Variants in TFEB observed in about 807,000 individuals in gnomAD.
TFEB encodes the protein T-cell transcription factor EB.
In TFEB, 12 loss-of-function variants were observed where a neutral mutation model predicts 48.0. The observed-to-expected ratio is 0.25, with a 90% CI of 0.16 to 0.40. TFEB has a LOEUF of 0.40. Ranked by LOEUF, TFEB falls within the 10% of genes least tolerant of loss-of-function variation. The pLI is 1.00. For missense variants in TFEB, 509 were observed against 640.3 expected (o/e 0.79, Z 2.21); for synonymous variants, 244 against 261.4 (o/e 0.93, Z 0.64).
At position 41,705,165 on chromosome 6, in the gene TFEB, G is replaced by A. The variant is rs545269853; in HGVS notation, c.-22-13930C>T. The stretch of plus-strand genomic sequence containing the variant: ...GAGCAGACAACCTTTGGGACAGTGT[G>A]TGCCTGGGCCTGTGTGCTCCGCAGG... On this transcript the variant is annotated intron_variant, in intron 1 of 8. Transcript: ENST00000373033. Among the ~76,000 whole-genome samples the A allele has an allele frequency of 3.6e-4, 55 of 152,332 alleles. No individual in the cohort carries two copies. In the South Asian group the frequency reaches 8.1e-3, roughly 22 times the overall value.
chr6:41,694,152 G>T (rs541057254), intron 1 of TFEB, among the ~76,000 whole-genome samples: 1 of 152,186 alleles, frequency 6.6e-6, no homozygotes, highest in Non-Finnish European at 1.5e-5. Context: ...CTGGCCTCGC[G>T]TGGACTGGAG....
chr6:41,686,985 A>G, intron 7 of TFEB, 109 bp downstream of exon 7: 1 of 907,874 alleles, frequency 1.1e-6, no homozygotes, highest in Non-Finnish European at 1.8e-6. Flanking sequence ...GAACTTCTAG[A>G]AGGAATTCTC....
At position 41,724,014 on chromosome 6, in the gene TFEB, TG is replaced by T. The variant is rs985299089; in HGVS notation, c.-23+11335del. On this transcript the variant is annotated intron_variant, in intron 1 of 8. Transcript: ENST00000373033. The surrounding 1 kb of genome is among the most constrained non-coding windows in gnomAD (Gnocchi z 4.4). ...GGCCATACACCTGCAGTCTTGGCCT[TG>T]GGCCTTCCCAGGGCCTCCAGACACC... 12 of 466,366 alleles carry T rather than the reference TG, an allele frequency of 2.6e-5. No individual in the cohort carries two copies. The highest frequency in any genetic ancestry group is 2.0e-4 in the African/African-American group (10 of 50,170). The allele number at this position is 466,366 out of a possible 1,614,324, so 28.9% of individuals were successfully genotyped here. A position where few individuals can be genotyped will look rare whatever the true frequency, so the allele number is the denominator to read the frequency against.
intron 1 of TFEB, among the ~76,000 whole-genome samples, chr6:41,692,751 C>T (rs561128121): frequency 6.6e-6 from 1 of 152,364 alleles, no homozygotes; most frequent in African/African-American, 2.4e-5. Context: ...CAGGCTGAGA[C>T]TCTGAGAGGT....
Position 41,684,052 on chromosome 6 carries a change from C to T in TFEB, c.*547G>A, listed in dbSNP as rs1768854868. On this transcript the variant is annotated 3_prime_UTR_variant, in exon 9 of 9. Coordinates refer to ENST00000373033, the MANE Select transcript of TFEB (RefSeq NM_001271944.2). Reference sequence around the variant, plus strand: ...GCTGCTCTTCCGGCAGTGACCCCTCCCGCTTCTGGCAGCCCCCGCGCTCAC... The same window carrying T: ...GCTGCTCTTCCGGCAGTGACCCCTCTCGCTTCTGGCAGCCCCCGCGCTCAC... 1 of 229,734 alleles carries T rather than the reference C, an allele frequency of 4.4e-6. No individual in the cohort carries two copies. The highest frequency in any genetic ancestry group is 5.7e-5 in the Admixed American group (1 of 17,644). 14.2% of individuals were successfully genotyped at this position (229,734 alleles called of 1,614,324 possible). A position where few individuals can be genotyped will look rare whatever the true frequency, so the allele number is the denominator to read the frequency against.
intron 1 of TFEB, among the ~76,000 whole-genome samples, chr6:41,715,639 CA>C (rs1770703937): frequency 6.6e-6 from 1 of 151,484 alleles, no homozygotes; most frequent in African/African-American, 2.4e-5. Flanking sequence ...TACTGCACTC[CA>C]GCCTGGGCGA....
At chr6:41,697,743 T>A (rs533930797) in intron 1 of TFEB, among the ~76,000 whole-genome samples, 21 of 152,326 alleles carry the variant, frequency 1.4e-4, no homozygotes, top group African/African-American at 4.3e-4. Context: ...AACCTCAATG[T>A]CCAGTTATAG....
chr6:41,693,902 C>T (rs1236376939), intron 1 of TFEB, among the ~76,000 whole-genome samples: 8 of 152,106 alleles, frequency 5.3e-5, no homozygotes, highest in African/African-American at 1.4e-4. Context: ...GCCCACCACA[C>T]GCACACTAGC....
chr6:41,696,164 T>G (rs1422676327), intron 1 of TFEB, among the ~76,000 whole-genome samples: 1 of 152,206 alleles, frequency 6.6e-6, no homozygotes, highest in Non-Finnish European at 1.5e-5. Flanking sequence ...CTGACGCCAG[T>G]CCATTCAGTG....
At chr6:41,716,972 A>G (rs1201710794) in intron 1 of TFEB, among the ~76,000 whole-genome samples, 1 of 152,152 alleles carries the variant, frequency 6.6e-6, no homozygotes, top group Admixed American at 6.5e-5. Context: ...AAGCCAGGTG[A>G]CCGGCCACCC....
At chr6:41,686,731 G>A in intron 7 of TFEB, 1 of 302,942 alleles carries the variant, frequency 3.3e-6, no homozygotes, top group Non-Finnish European at 6.3e-6. Flanking sequence ...GGCCAGGCTG[G>A]TCTTGAACTC....
chr6:41,708,387 A>C (rs1332588783), intron 1 of TFEB, among the ~76,000 whole-genome samples: 1 of 152,206 alleles, frequency 6.6e-6, no homozygotes, highest in Non-Finnish European at 1.5e-5. Context: ...TCACGATGTC[A>C]AAAGTGCCCA....
Position 41,687,409 on chromosome 6 carries a change from G to A in TFEB, c.728-240C>T, listed in dbSNP as rs112443546. Among the ~76,000 whole-genome samples the A allele has an allele frequency of 4.4e-3, 676 of 152,342 alleles. 4 individuals are homozygous for A. The highest frequency in any genetic ancestry group is 7.7e-3 in the Non-Finnish European group (521 of 68,026). On this transcript the variant is annotated intron_variant, in intron 6 of 8. Transcript: ENST00000373033. The stretch of plus-strand genomic sequence containing the variant: ...AGAATCAGCCATGGTGATGCTCGTA[G>A]CACAGCAAAGCTGCCTGGGGTAGGA...
Position 41,725,981 on chromosome 6 carries a change from C to T in TFEB, c.-23+9369G>A, listed in dbSNP as rs1388254192. Among the ~76,000 whole-genome samples, 6 of 152,220 alleles carry T rather than the reference C, an allele frequency of 3.9e-5. No homozygotes were observed. In the East Asian group the frequency reaches 5.8e-4, roughly 15 times the overall value. On this transcript the variant is annotated intron_variant, in intron 1 of 8. Transcript: ENST00000373033. ...ATTAAAGGCCAGGCCCGGCGGCTCACGCCTGCAATCCTGGCACTTTGGGAG... is the reference window on the plus strand; with the variant it reads ...ATTAAAGGCCAGGCCCGGCGGCTCATGCCTGCAATCCTGGCACTTTGGGAG...
chr6:41,728,202 C>T (rs1288596336), intron 1 of TFEB, among the ~76,000 whole-genome samples: 1 of 152,204 alleles, frequency 6.6e-6, no homozygotes, highest in Non-Finnish European at 1.5e-5. Flanking sequence ...GCTAGGACAT[C>T]GGCACCTTGC....
In TFEB at chr6:41,723,460, C is replaced by A. The variant is rs747669903; in HGVS notation, c.-23+11890G>T. ...ACACATGCACGCGTGTGCTCTCATA[C>A]CTTCGAGAGGGCAGCCCCCTGGAAG... On this transcript the variant is annotated intron_variant, in intron 1 of 8. Coordinates refer to ENST00000373033, the MANE Select transcript of TFEB (RefSeq NM_001271944.2). This position sits in a 1 kb window ranked among gnomAD's most constrained non-coding sequence, Gnocchi z 6.0. 6.0e-5 allele frequency: 77 copies of A among 1,288,058 alleles called. No homozygotes were observed. The highest frequency in any genetic ancestry group is 5.2e-4 in the South Asian group (42 of 80,990). 79.8% of individuals were successfully genotyped at this position (1,288,058 alleles called of 1,614,324 possible). A position where few individuals can be genotyped will look rare whatever the true frequency, so the allele number is the denominator to read the frequency against.
chr6:41,729,772 C>T (rs1771375145), intron 1 of TFEB, among the ~76,000 whole-genome samples: 2 of 152,184 alleles, frequency 1.3e-5, no homozygotes, highest in South Asian at 4.1e-4. Flanking sequence ...AGAGGGGACA[C>T]CAAATTTTCT....
chr6:41,700,992 C>T (rs572189681), intron 1 of TFEB, among the ~76,000 whole-genome samples: 2 of 152,306 alleles, frequency 1.3e-5, no homozygotes, highest in African/African-American at 4.8e-5. Context: ...AGGACAGGGA[C>T]GAGGGACATG....
At chr6:41,708,421 A>G (rs907839393) in intron 1 of TFEB, among the ~76,000 whole-genome samples, 37 of 152,142 alleles carry the variant, frequency 2.4e-4, no homozygotes, top group African/African-American at 8.9e-4. Flanking sequence ...AGGTGCCAGC[A>G]CCTGAATTGG....
Sources: allele counts gnomAD v4.1 joint callset (sites outside exome capture counted in the v4.1 genomes callset), GRCh38; gene constraint gnomAD v4.1.1; non-coding constraint Gnocchi (gnomAD v3.1); transcripts MANE v1.5; gene names NCBI Gene and HGNC (gene_info 2026-07-23, HGNC 2026-07-21).